The following GRAMD2B variants were observed in gnomAD, a reference collection of about 807,000 sequenced individuals.
The protein encoded by GRAMD2B is GRAM domain containing 2B.
A neutral mutation model predicts 59.2 loss-of-function variants in GRAMD2B; 41 were observed. The ratio of observed to expected loss-of-function variants is 0.69; its 90% CI spans 0.54 to 0.90. GRAMD2B has a LOEUF of 0.90. Ranked by LOEUF, GRAMD2B falls within the 40% of genes least tolerant of loss-of-function variation. GRAMD2B has a pLI of 0.00. For synonymous variants in GRAMD2B, 161 were observed against 182.7 expected, an observed-to-expected ratio of 0.88 and a Z score of 0.96; for missense variants, 424 against 500.5, an observed-to-expected ratio of 0.85 and a Z score of 1.46.
intron 5 of GRAMD2B, among the ~76,000 whole-genome samples, chr5:126,476,180 G>C (rs1189418316): frequency 6.6e-6 from 1 of 152,210 alleles, no homozygotes; most frequent in Non-Finnish European, 1.5e-5. Context: ...GGCTGAGGCA[G>C]GAGAATCACT....
At chr5:126,388,562 T>C (rs748852962) in intron 1 of GRAMD2B, among the ~76,000 whole-genome samples, 3 of 151,868 alleles carry the variant, frequency 2.0e-5, no homozygotes, top group South Asian at 2.1e-4. Flanking sequence ...GAATCAATCA[T>C]TGATTCCTGG....
intron 1 of GRAMD2B, among the ~76,000 whole-genome samples, chr5:126,407,914 AT>A (rs1331454015): frequency 6.6e-6 from 1 of 151,796 alleles, no homozygotes; most frequent in African/African-American, 2.4e-5. Flanking sequence ...ATTCTATATT[AT>A]TTTTGTGTTG....
In GRAMD2B at chr5:126,492,847, A is replaced by G. The variant is rs372486330; in HGVS notation, c.1258-68A>G. The G allele has an allele frequency of 8.8e-5, 91 of 1,039,420 alleles. 1 individual carries two copies. In the African/African-American group the frequency reaches 1.0e-3, roughly 12 times the overall value. The allele number at this position is 1,039,420 out of a possible 1,614,324, so 64.4% of individuals were successfully genotyped here. On this transcript the variant is annotated intron_variant, in intron 13 of 13. Coordinates refer to ENST00000285689, the MANE Select transcript of GRAMD2B (RefSeq NM_023927.4). ...AATAATATAGAATGCTATATAGACT[A>G]TAACAAATATGCCCTTAATATACTC...
rs370268672 is a variant in GRAMD2B at position 126,467,018 on chromosome 5, G to A, written c.203+1473G>A. Among the ~76,000 whole-genome samples, 33 of 152,218 alleles carry A rather than the reference G, an allele frequency of 2.2e-4. No homozygotes were observed. In the East Asian group the frequency reaches 5.0e-3, roughly 23 times the overall value. Reference sequence around the variant, plus strand: ...ATTTTTATGTAAGGGGGCCAGGCACGGTGGCTCACACCTGTAATCCTAGCA... The same window carrying A: ...ATTTTTATGTAAGGGGGCCAGGCACAGTGGCTCACACCTGTAATCCTAGCA... On this transcript the variant is annotated intron_variant, in intron 2 of 13. Coordinates refer to ENST00000285689, the MANE Select transcript of GRAMD2B (RefSeq NM_023927.4).
chr5:126,403,848 A>ATT (rs1418329073), intron 1 of GRAMD2B, among the ~76,000 whole-genome samples: 3 of 151,904 alleles, frequency 2.0e-5, no homozygotes, highest in Non-Finnish European at 2.9e-5. Context: ...TTCTGCTAAT[A>ATT]AGGAAGAGGC....
upstream of GRAMD2B, among the ~76,000 whole-genome samples, chr5:126,419,233 G>T (rs1286693449): frequency 6.6e-6 from 1 of 152,034 alleles, no homozygotes; most frequent in Non-Finnish European, 1.5e-5. Context: ...TTCTGCTTCT[G>T]GGGAGGCCTC....
At chr5:126,474,681 C>G (rs911019361) in intron 5 of GRAMD2B, among the ~76,000 whole-genome samples, 2 of 152,132 alleles carry the variant, frequency 1.3e-5, no homozygotes, top group Non-Finnish European at 2.9e-5. Flanking sequence ...AAGTATTAGT[C>G]TTTGTTAAGG....
chr5:126,374,085 G>T (rs1754985391), intron 1 of GRAMD2B, among the ~76,000 whole-genome samples: 1 of 152,110 alleles, frequency 6.6e-6, no homozygotes, highest in Non-Finnish European at 1.5e-5. Context: ...ATTGTGGAAG[G>T]GTGTCTCTAA....
intron 1 of GRAMD2B, among the ~76,000 whole-genome samples, chr5:126,395,498 C>A (rs903324479): frequency 6.6e-6 from 1 of 152,158 alleles, no homozygotes; most frequent in African/African-American, 2.4e-5. Context: ...ACTGAACCTC[C>A]CAGCATGGCT....
Position 126,486,919 on chromosome 5 carries a change from A to C in GRAMD2B, c.1105A>C (p.Asn369His), listed in dbSNP as rs1773059975. ...ISTFYMRYRI[N>H]TLEEQLGLLT... ...GACCTTCTACATGAGATACAGAATTAATACTCTGGAGGAGCAGCTGGGGTT... is the reference window on the plus strand; with the variant it reads ...GACCTTCTACATGAGATACAGAATTCATACTCTGGAGGAGCAGCTGGGGTT... The change falls in exon 12 of 14, where the codon AAT (asparagine) becomes CAT (histidine). Residue 369 changes from asparagine (N) to histidine (H), a missense_variant. Coordinates refer to ENST00000285689, the MANE Select transcript of GRAMD2B (RefSeq NM_023927.4). The C allele has an allele frequency of 1.9e-6, 3 of 1,612,600 alleles. No individual in the cohort carries two copies. The African/African-American group carries it at 4.0e-5, about 22-fold the overall frequency.
chr5:126,485,815 C>A, intron 11 of GRAMD2B, 42 bp downstream of exon 11: 1 of 1,222,836 alleles, frequency 8.2e-7, no homozygotes, highest in Non-Finnish European at 1.2e-6. Flanking sequence ...GAAAATGATT[C>A]CATTCGCTAA....
At chr5:126,475,060 G>A (rs1770317710) in intron 5 of GRAMD2B, among the ~76,000 whole-genome samples, 1 of 152,160 alleles carries the variant, frequency 6.6e-6, no homozygotes. Flanking sequence ...TCTACAACGG[G>A]AACTTTCCAA....
At chr5:126,371,098 C>T (rs1037544865), upstream of GRAMD2B, among the ~76,000 whole-genome samples, 1 of 152,172 alleles carries the variant, frequency 6.6e-6, no homozygotes, top group African/African-American at 2.4e-5. Context: ...GTCTCTGCAC[C>T]TCATTGTTTT....
intron 1 of GRAMD2B, among the ~76,000 whole-genome samples, chr5:126,364,870 C>A (rs1261157163): frequency 1.3e-5 from 2 of 152,092 alleles, no homozygotes; most frequent in Non-Finnish European, 2.9e-5. Flanking sequence ...CCAAACATGT[C>A]TTTGATTCTG....
intron 5 of GRAMD2B, 96 bp from the exon 6 acceptor site, chr5:126,477,594 TTC>T: frequency 3.8e-6 from 3 of 795,502 alleles, no homozygotes; most frequent in Non-Finnish European, 6.7e-6. Context: ...TGGTTTTGAT[TTC>T]TGTTTACCTT....
In GRAMD2B at chr5:126,431,432, T is replaced by C. The variant is rs112079551; in HGVS notation, c.83+7743T>C. 2.2e-3 allele frequency among the ~76,000 whole-genome samples: 331 copies of C among 152,364 alleles called. 2 individuals are homozygous for C. The highest frequency in any genetic ancestry group is 7.5e-3 in the African/African-American group (314 of 41,594). On this transcript the variant is annotated intron_variant, in intron 1 of 13. Transcript: ENST00000285689. ...ACAAACCCATTAGAATATGATCTTA[T>C]GGTGATGACCTTAGCAAGGTAGACC...
At chr5:126,370,615 T>C (rs560233477), upstream of GRAMD2B, among the ~76,000 whole-genome samples, 1 of 152,316 alleles carries the variant, frequency 6.6e-6, no homozygotes, top group East Asian at 1.9e-4. Context: ...TGACACATAA[T>C]TGCAAATCTC....
At position 126,492,958 on chromosome 5, in the gene GRAMD2B, C is replaced by A. The variant is rs528167377; in HGVS notation, c.*2C>A. ...AAGTTGCTTGAGAATGGTGACTGATCGACCAGATTGCTTGGGCCATCGGAA... is the reference window on the plus strand; with the variant it reads ...AAGTTGCTTGAGAATGGTGACTGATAGACCAGATTGCTTGGGCCATCGGAA... On this transcript the variant is annotated 3_prime_UTR_variant, in exon 14 of 14. Coordinates refer to ENST00000285689, the MANE Select transcript of GRAMD2B (RefSeq NM_023927.4). 1.2e-6 allele frequency: 2 copies of A among 1,611,238 alleles called. No homozygotes were observed. The highest frequency in any genetic ancestry group is 2.2e-5 in the East Asian group (1 of 44,850).
chr5:126,432,932 G>A (rs1032166287), intron 1 of GRAMD2B, among the ~76,000 whole-genome samples: 2 of 152,188 alleles, frequency 1.3e-5, no homozygotes, highest in Non-Finnish European at 2.9e-5. Context: ...AGCAGTATTT[G>A]ACAGTTGATG....
Sources: gnomAD v4.1 joint callset for allele counts (sites outside exome capture counted in the v4.1 genomes callset) on GRCh38, gnomAD v4.1.1 for gene constraint, MANE v1.5 for transcripts, NCBI Gene and HGNC (gene_info 2026-07-23, HGNC 2026-07-21) for gene names.